Variants in CD48 observed in about 807,000 individuals in gnomAD.
CD48 encodes CD48 molecule.
A neutral mutation model predicts 22.0 loss-of-function variants in CD48; 20 were observed. The observed-to-expected ratio is 0.91, with a 90% CI of 0.64 to 1.32. CD48 has a LOEUF of 1.32. CD48 is among the 40% of genes most tolerant of loss of function. CD48 has a pLI of 0.00. For missense variants in CD48, 307 were observed against 286.5 expected (o/e 1.07, Z -0.52); for synonymous variants, 110 against 110.1 (o/e 1.00, Z 0.01).
chr1:160,686,982 TTTCTC>T (rs908632539), intron 1 of CD48, among the ~76,000 whole-genome samples: 62 of 152,254 alleles, frequency 4.1e-4, no homozygotes, highest in African/African-American at 1.4e-3. Context: ...AGGCAGGAGT[TTTCTC>T]TTCCTAATAA....
At chr1:160,682,155 G>A (rs1173011913) in intron 2 of CD48, among the ~76,000 whole-genome samples, 2 of 152,222 alleles carry the variant, frequency 1.3e-5, no homozygotes, top group South Asian at 2.1e-4. Flanking sequence ...GAGATAGAAA[G>A]GATAAAACAC....
At chr1:160,685,705 G>A (rs890569493) in intron 1 of CD48, among the ~76,000 whole-genome samples, 3 of 152,096 alleles carry the variant, frequency 2.0e-5, no homozygotes, top group Non-Finnish European at 4.4e-5. Context: ...CTATAATAAA[G>A]GTAACGTGGG....
chr1:160,692,820 T>C (rs1296162063), intron 1 of CD48, among the ~76,000 whole-genome samples: 10 of 152,324 alleles, frequency 6.6e-5, no homozygotes, highest in East Asian at 1.9e-4. Context: ...TCTTTTTAGA[T>C]AAAAATGCTA....
intron 1 of CD48, among the ~76,000 whole-genome samples, chr1:160,692,713 T>C (rs1350775460): frequency 6.6e-6 from 1 of 152,152 alleles, no homozygotes; most frequent in African/African-American, 2.4e-5. Flanking sequence ...AGGAAGGAGA[T>C]ACTGAGGCGT....
At chr1:160,701,700 T>C (rs1304377681) in intron 1 of CD48, among the ~76,000 whole-genome samples, 2 of 152,168 alleles carry the variant, frequency 1.3e-5, no homozygotes, top group African/African-American at 2.4e-5. Flanking sequence ...TGGCATGATA[T>C]AGGGCTGAAT....
At chr1:160,702,190 C>T (rs1662651972) in intron 1 of CD48, among the ~76,000 whole-genome samples, 1 of 152,076 alleles carries the variant, frequency 6.6e-6, no homozygotes, top group South Asian at 2.1e-4. Context: ...CCCACTGAAC[C>T]TTGAGGTAAA....
chr1:160,702,123 A>C (rs1197180215), intron 1 of CD48, among the ~76,000 whole-genome samples: 1 of 152,198 alleles, frequency 6.6e-6, no homozygotes, highest in Non-Finnish European at 1.5e-5. Context: ...AGAATTAATG[A>C]GACCAGTATG....
At chr1:160,691,548 T>C (rs1019525614) in intron 1 of CD48, 3 of 164,646 alleles carry the variant, frequency 1.8e-5, no homozygotes, top group African/African-American at 7.2e-5. Context: ...CTGACACATC[T>C]CCCTCTCGGA....
At chr1:160,689,553 T>C (rs569480108) in intron 1 of CD48, among the ~76,000 whole-genome samples, 4 of 152,064 alleles carry the variant, frequency 2.6e-5, no homozygotes, top group African/African-American at 9.6e-5. Flanking sequence ...ATGGTGAGAT[T>C]TTTAGGTTTG....
rs563853525 is a variant in CD48, at chr1:160,680,939, C to T, written c.652+263G>A. ...ATGTTAGGACTATGCTTTGTTAGAG[C>T]GGGAGAGGGAAGAGGAGTATCAGAG... On this transcript the variant is annotated intron_variant, in intron 3 of 3. Coordinates refer to ENST00000368046, the MANE Select transcript of CD48 (RefSeq NM_001778.4). The T allele has an allele frequency of 3.3e-4, 473 of 1,431,082 alleles. 4 individuals are homozygous for T. The highest frequency in any genetic ancestry group is 3.2e-3 in the South Asian group (212 of 66,492). The allele number at this position is 1,431,082 out of a possible 1,614,324, so 88.6% of individuals were successfully genotyped here.
intron 2 of CD48, 93 bp downstream of exon 2, chr1:160,684,794 C>G (rs1288306418): frequency 6.2e-7 from 1 of 1,613,780 alleles, no homozygotes; most frequent in Non-Finnish European, 8.5e-7. Context: ...CTCTCCTCCT[C>G]CCCGAGAGTG....
intron 1 of CD48, among the ~76,000 whole-genome samples, chr1:160,704,979 A>G (rs1662748550): frequency 6.6e-6 from 1 of 152,204 alleles, no homozygotes; most frequent in Non-Finnish European, 1.5e-5. Context: ...GCTGTGGAAT[A>G]AAAGCTAAAG....
At chr1:160,679,810 C>A (rs116513616) in intron 3 of CD48, among the ~76,000 whole-genome samples, 1 of 152,118 alleles carries the variant, frequency 6.6e-6, no homozygotes, top group Non-Finnish European at 1.5e-5. Flanking sequence ...CAGTCACACC[C>A]ATTTTATAGA....
intron 1 of CD48, among the ~76,000 whole-genome samples, chr1:160,687,028 A>C (rs1373444428): frequency 6.6e-6 from 1 of 152,098 alleles, no homozygotes. Context: ...ACTGGAGTCT[A>C]TTTCACCTCT....
chr1:160,699,688 A>G (rs1280402894), intron 1 of CD48: 3 of 152,104 alleles, frequency 2.0e-5, no homozygotes, highest in Non-Finnish European at 4.4e-5. Flanking sequence ...TGAGATGTTT[A>G]TGTGTATGCA....
chr1:160,690,243 TA>T (rs1292552798), intron 1 of CD48, among the ~76,000 whole-genome samples: 1 of 152,200 alleles, frequency 6.6e-6, no homozygotes, highest in Non-Finnish European at 1.5e-5. Flanking sequence ...AAAGCAAGAA[TA>T]CAGATGTTTT....
At chr1:160,709,042 C>G (rs576212685) in intron 1 of CD48, among the ~76,000 whole-genome samples, 1 of 152,258 alleles carries the variant, frequency 6.6e-6, no homozygotes, top group Non-Finnish European at 1.5e-5. Flanking sequence ...TGATTGCAAG[C>G]ACATGAAAAG....
At chr1:160,689,531 A>C (rs1489977888) in intron 1 of CD48, among the ~76,000 whole-genome samples, 1 of 152,216 alleles carries the variant, frequency 6.6e-6, no homozygotes, top group Non-Finnish European at 1.5e-5. Context: ...TGTTATTTTC[A>C]GGCTAATAGA....
intron 1 of CD48, among the ~76,000 whole-genome samples, chr1:160,693,613 T>A (rs1205107720): frequency 6.6e-6 from 1 of 152,302 alleles, no homozygotes; most frequent in Non-Finnish European, 1.5e-5. Context: ...CAACAACAGG[T>A]AGAGAGCCAC....
Sources: gnomAD v4.1 joint callset for allele counts (sites outside exome capture counted in the v4.1 genomes callset) on GRCh38, gnomAD v4.1.1 for gene constraint, MANE v1.5 for transcripts, NCBI Gene and HGNC (gene_info 2026-07-23, HGNC 2026-07-21) for gene names.